The following CNKSR2 variants were observed in gnomAD, a reference collection of about 807,000 sequenced individuals.
CNKSR2 encodes the protein CNK homolog protein 2.
Under a neutral mutation model 84.4 loss-of-function variants are expected in CNKSR2, and 14 were observed. That is an observed-to-expected ratio of 0.17 (90% CI 0.11 to 0.26). The LOEUF (loss-of-function observed/expected upper bound fraction) is 0.26. CNKSR2 is among the 10% of genes least tolerant of loss of function. CNKSR2 has a pLI of 1.00. For missense variants in CNKSR2, 485 were observed against 771.2 expected (o/e 0.63, Z 4.40); for synonymous variants, 275 against 277.9 (o/e 0.99, Z 0.10).
chrX:21,433,493 C>T (rs1164958525), intron 3 of CNKSR2, among the ~76,000 whole-genome samples: 1 of 111,092 alleles, frequency 9.0e-6, no homozygotes, highest in Non-Finnish European at 1.9e-5. Context: ...AAATTCTCTA[C>T]TTTCAGTTTT....
At chrX:21,585,695 G>C (rs62591187) in intron 13 of CNKSR2, among the ~76,000 whole-genome samples, 1 of 111,457 alleles carries the variant, frequency 9.0e-6, no homozygotes, top group Non-Finnish European at 1.9e-5. Context: ...CTTTAGCTCA[G>C]TGAAGAAGTC....
chrX:21,601,249 C>G, intron 17 of CNKSR2, 33 bp from the exon 18 acceptor site: 2 of 876,218 alleles, frequency 2.3e-6, no homozygotes, highest in Non-Finnish European at 3.3e-6. Context: ...AATTAGGTTA[C>G]AATGTTATTG....
At chrX:21,545,290 G>A (rs765379345) in intron 11 of CNKSR2, among the ~76,000 whole-genome samples, 25 of 112,063 alleles carry the variant, frequency 2.2e-4, no homozygotes, top group Non-Finnish European at 4.7e-4. Flanking sequence ...ACTGGGCGGA[G>A]CCCACCACAA....
intron 4 of CNKSR2, among the ~76,000 whole-genome samples, chrX:21,453,422 A>G (rs2090960444): frequency 1.8e-5 from 2 of 112,043 alleles, no homozygotes; most frequent in Admixed American, 1.9e-4. Context: ...AGTTTGATAT[A>G]GTAGTCATAT....
At chrX:21,426,961 C>T (rs1397582186) in intron 2 of CNKSR2, 3 of 268,002 alleles carry the variant, frequency 1.1e-5, no homozygotes, top group African/African-American at 8.7e-5. Flanking sequence ...GTGCTAGGCT[C>T]TCACACTGCC....
chrX:21,457,812 A>G (rs1161647853), intron 4 of CNKSR2, among the ~76,000 whole-genome samples: 1 of 111,699 alleles, frequency 9.0e-6, no homozygotes, highest in African/African-American at 3.3e-5. Flanking sequence ...GGATCATGAT[A>G]ATAACAGCTA....
chrX:21,489,295 T>C (rs981378384), intron 5 of CNKSR2, among the ~76,000 whole-genome samples: 9 of 111,759 alleles, frequency 8.1e-5, no homozygotes, highest in African/African-American at 2.9e-4. Context: ...ATAAACTTCC[T>C]AAATTGACTG....
At chrX:21,388,700 G>C (rs1267358029) in intron 1 of CNKSR2, among the ~76,000 whole-genome samples, 1 of 111,626 alleles carries the variant, frequency 9.0e-6, no homozygotes, top group Admixed American at 9.5e-5. Context: ...AGAAATGGAG[G>C]AGAAGAGACA....
chrX:21,650,888 C>T (rs1184289992), intron 21 of CNKSR2, among the ~76,000 whole-genome samples: 2 of 111,728 alleles, frequency 1.8e-5, no homozygotes, highest in Non-Finnish European at 1.9e-5. Context: ...TGTTAATAGT[C>T]GTAAGAATAG....
chrX:21,609,457 T>C lies in CNKSR2; in HGVS notation c.2532T>C (p.Ser844=). ...VLNGNGGKPR[S]FTLPRDSGFN... ...ATGGAAATGGGGGCAAGCCTCGAAGTTTTACTCTGCCTCGAGATAGCGGGT... is the reference window on the plus strand; with the variant it reads ...ATGGAAATGGGGGCAAGCCTCGAAGCTTTACTCTGCCTCGAGATAGCGGGT... Residue 844 remains serine, a synonymous_variant, in exon 20 of 22, where the codon AGT becomes AGC. Transcript: ENST00000379510. 8.3e-7 allele frequency: 1 copy of C among 1,210,626 alleles called. No homozygotes were observed. Among genetic ancestry groups the C allele is most frequent in the Non-Finnish European group, 1.1e-6 (1 of 895,247 alleles).
chrX:21,496,582 T>C (rs1476677743), intron 6 of CNKSR2, among the ~76,000 whole-genome samples: 1 of 111,782 alleles, frequency 8.9e-6, no homozygotes, highest in East Asian at 2.8e-4. Context: ...ATCTACCCAG[T>C]GATTTCTCAA....
At chrX:21,518,040 AG>A (rs1229303380) in intron 9 of CNKSR2, among the ~76,000 whole-genome samples, 2 of 112,080 alleles carry the variant, frequency 1.8e-5, no homozygotes, top group Non-Finnish European at 3.8e-5. Flanking sequence ...CTATTTTTCA[AG>A]TTAATATATG....
intron 20 of CNKSR2, among the ~76,000 whole-genome samples, chrX:21,630,085 A>G (rs1439846973): frequency 9.0e-6 from 1 of 111,704 alleles, no homozygotes; most frequent in Non-Finnish European, 1.9e-5. Flanking sequence ...TCTCAGGAAG[A>G]CTCTTCTTAT....
chrX:21,426,458 C>T, intron 1 of CNKSR2, 39 bp from the exon 2 acceptor site: 1 of 1,165,710 alleles, frequency 8.6e-7, no homozygotes, highest in East Asian at 3.0e-5. Flanking sequence ...TTGGTTTGAC[C>T]ATGTTTTCAT....
intron 1 of CNKSR2, among the ~76,000 whole-genome samples, chrX:21,403,850 T>C (rs143276842): frequency 2.6e-3 from 295 of 112,013 alleles, no homozygotes; most frequent in Non-Finnish European, 3.8e-3. Context: ...TGTAAGTTTC[T>C]GTTCTTTATA....
At chrX:21,461,934 C>G (rs780185889) in intron 4 of CNKSR2, among the ~76,000 whole-genome samples, 13 of 112,089 alleles carry the variant, frequency 1.2e-4, no homozygotes, top group Non-Finnish European at 1.5e-4. Flanking sequence ...GTTTTAAATA[C>G]TCTATCTCAG....
chrX:21,487,244 A>ATGAAT (rs1221977929), intron 5 of CNKSR2, among the ~76,000 whole-genome samples: 1 of 111,484 alleles, frequency 9.0e-6, no homozygotes, highest in Non-Finnish European at 1.9e-5. Flanking sequence ...ACTTAATATG[A>ATGAAT]TGAATTTAAT....
chrX:21,607,147 C>T (rs1448106282), intron 19 of CNKSR2, among the ~76,000 whole-genome samples: 1 of 111,207 alleles, frequency 9.0e-6, no homozygotes, highest in African/African-American at 3.3e-5. Flanking sequence ...AGGTAGCCTT[C>T]GTGGAGATAA....
At chrX:21,505,447 T>C (rs1437453196) in intron 8 of CNKSR2, 2 of 111,333 alleles carry the variant, frequency 1.8e-5, no homozygotes, top group Non-Finnish European at 3.8e-5. Context: ...TCTACATTGA[T>C]TAGTGAGAGA....
Sources: gnomAD v4.1 joint callset for allele counts (sites outside exome capture counted in the v4.1 genomes callset) on GRCh38, gnomAD v4.1.1 for gene constraint, MANE v1.5 for transcripts, NCBI Gene and HGNC (gene_info 2026-07-23, HGNC 2026-07-21) for gene names.